KAZN: variants seen among roughly 807,000 people sequenced by gnomAD.
KAZN encodes kazrin, periplakin interacting protein.
In KAZN, 40 loss-of-function variants were observed where a neutral mutation model predicts 87.4. The ratio of observed to expected loss-of-function variants is 0.46; its 90% CI spans 0.36 to 0.60. The LOEUF (loss-of-function observed/expected upper bound fraction) is 0.60, where lower values mean the gene tolerates loss of function less well. KAZN is among the 20% of genes least tolerant of loss of function. The pLI is 0.00. For missense variants in KAZN, 898 were observed against 1,073.9 expected, an observed-to-expected ratio of 0.84 and a Z score of 2.29; for synonymous variants, 466 against 458.3, an observed-to-expected ratio of 1.02 and a Z score of -0.22.
chr1:13,911,576 AAT>A (rs1389208005), intron 1 of KAZN, among the ~76,000 whole-genome samples: 1 of 152,180 alleles, frequency 6.6e-6, no homozygotes, highest in African/African-American at 2.4e-5. Context: ...AGTCAGAAGA[AAT>A]GAGATTCTCC....
chr1:14,765,598 C>A (rs918099238), intron 1 of KAZN, among the ~76,000 whole-genome samples: 1 of 152,148 alleles, frequency 6.6e-6, no homozygotes, highest in Non-Finnish European at 1.5e-5. Flanking sequence ...ACAGGGAGAG[C>A]CTTCAGACAG....
intron 2 of KAZN, among the ~76,000 whole-genome samples, chr1:14,990,263 C>CTGCA (rs1488371306): frequency 6.6e-6 from 1 of 152,152 alleles, no homozygotes; most frequent in Non-Finnish European, 1.5e-5. Flanking sequence ...GGCTCTGTCA[C>CTGCA]CCAAGCTGGA....
At chr1:14,514,509 A>T (rs1441216158) in intron 2 of KAZN, among the ~76,000 whole-genome samples, 2 of 17,758 alleles carry the variant, frequency 1.1e-4, no homozygotes, top group African/African-American at 2.0e-4. Context: ...AAAATATATA[A>T]TATATGAAAT....
At chr1:15,022,997 C>G (rs549156955) in intron 2 of KAZN, among the ~76,000 whole-genome samples, 1 of 152,194 alleles carries the variant, frequency 6.6e-6, no homozygotes, top group Non-Finnish European at 1.5e-5. Context: ...GGGGCTGTGC[C>G]GAATGCCAGC....
chr1:14,783,045 G>T (rs1299776682), intron 1 of KAZN, among the ~76,000 whole-genome samples: 1 of 152,156 alleles, frequency 6.6e-6, no homozygotes, highest in African/African-American at 2.4e-5. Flanking sequence ...GCCCACTGGA[G>T]GAGCTAGCAT....
At chr1:13,969,782 A>G (rs905287779) in intron 1 of KAZN, among the ~76,000 whole-genome samples, 5 of 152,172 alleles carry the variant, frequency 3.3e-5, no homozygotes, top group African/African-American at 1.2e-4. Flanking sequence ...ATGTGTGCCC[A>G]GCACACACCA....
intron 1 of KAZN, among the ~76,000 whole-genome samples, chr1:13,918,940 T>G (rs1014814099): frequency 2.6e-5 from 4 of 152,178 alleles, no homozygotes; most frequent in African/African-American, 4.8e-5. Context: ...GTTAAAATGT[T>G]TTTTTTTCCC....
intron 2 of KAZN, among the ~76,000 whole-genome samples, chr1:14,399,327 T>G (rs1663180746): frequency 6.6e-6 from 1 of 152,166 alleles, no homozygotes; most frequent in Non-Finnish European, 1.5e-5. Flanking sequence ...CAAAGATGTT[T>G]TGATAACAGC....
At chr1:14,147,968 C>T (rs959150056) in intron 1 of KAZN, among the ~76,000 whole-genome samples, 1 of 152,008 alleles carries the variant, frequency 6.6e-6, no homozygotes, top group African/African-American at 2.4e-5. Context: ...TCCTGTAATC[C>T]CAGCACTTTA....
At chr1:14,126,704 G>A (rs1191408953) in intron 1 of KAZN, among the ~76,000 whole-genome samples, 1 of 152,160 alleles carries the variant, frequency 6.6e-6, no homozygotes, top group Non-Finnish European at 1.5e-5. Flanking sequence ...TGAAGGGGTG[G>A]GGTTGTCAAT....
At chr1:14,788,113 G>A (rs542892862) in intron 1 of KAZN, among the ~76,000 whole-genome samples, 3 of 152,178 alleles carry the variant, frequency 2.0e-5, no homozygotes, top group Non-Finnish European at 4.4e-5. Flanking sequence ...GAGCATTAAA[G>A]CACACACAGG....
chr1:15,043,883 C>A lies in KAZN; in HGVS notation c.556-106C>A. On this transcript the variant is annotated intron_variant, in intron 3 of 14. Coordinates refer to ENST00000376030, the MANE Select transcript of KAZN (RefSeq NM_201628.3). The stretch of plus-strand genomic sequence containing the variant: ...TGGTCTCAATCTCCTGACCTCGTGA[C>A]CCCACTTCTTTTTCCATCTAGGAGT... 10 of 1,149,644 alleles carry A rather than the reference C, an allele frequency of 8.7e-6. No individual in the cohort carries two copies. In the South Asian group the frequency reaches 1.4e-4, roughly 16 times the overall value. The allele number at this position is 1,149,644 out of a possible 1,614,324, so 71.2% of individuals were successfully genotyped here. A position where few individuals can be genotyped will look rare whatever the true frequency, so the allele number is the denominator to read the frequency against.
chr1:14,988,703 G>GCCC (rs1553167979), intron 2 of KAZN, among the ~76,000 whole-genome samples: 7 of 152,092 alleles, frequency 4.6e-5, no homozygotes, highest in African/African-American at 1.7e-4. Context: ...CTCCACTGAT[G>GCCC]CCCCCCCAGT....
intron 1 of KAZN, among the ~76,000 whole-genome samples, chr1:13,924,759 G>A (rs1054336634): frequency 5.9e-5 from 9 of 152,134 alleles, no homozygotes; most frequent in South Asian, 2.1e-4. Flanking sequence ...TCTTCCATAC[G>A]TTGATTGATG....
At chr1:14,135,754 C>A (rs867459715) in intron 1 of KAZN, among the ~76,000 whole-genome samples, 5 of 152,124 alleles carry the variant, frequency 3.3e-5, no homozygotes, top group Non-Finnish European at 7.3e-5. Context: ...TGCTTTTGAC[C>A]AAACTGGAAT....
At chr1:14,844,342 T>G (rs1367904706) in intron 1 of KAZN, among the ~76,000 whole-genome samples, 1 of 152,210 alleles carries the variant, frequency 6.6e-6, no homozygotes. Context: ...CTCTAAAGGT[T>G]GATGTGGAGG....
At chr1:14,183,379 C>T (rs1363665025) in intron 2 of KAZN, among the ~76,000 whole-genome samples, 1 of 152,088 alleles carries the variant, frequency 6.6e-6, no homozygotes, top group Non-Finnish European at 1.5e-5. Context: ...ATTAGGTGTT[C>T]GTCCCCTAAA....
intron 1 of KAZN, among the ~76,000 whole-genome samples, chr1:14,135,734 AAG>A (rs903615793): frequency 2.2e-4 from 33 of 152,184 alleles, no homozygotes; most frequent in African/African-American, 7.7e-4. Context: ...CTAACTTTTG[AAG>A]AGAGTGTTGC....
chr1:15,101,818 C>A, intron 11 of KAZN, 44 bp downstream of exon 11: 1 of 1,323,958 alleles, frequency 7.6e-7, no homozygotes, highest in Non-Finnish European at 1.1e-6. Flanking sequence ...CACTGCCCAC[C>A]CCTCCCCTCT....
Sources: allele counts gnomAD v4.1 joint callset (sites outside exome capture counted in the v4.1 genomes callset), GRCh38; gene constraint gnomAD v4.1.1; transcripts MANE v1.5; gene names NCBI Gene and HGNC (gene_info 2026-07-23, HGNC 2026-07-21).